ERBB4: variants seen among roughly 807,000 people sequenced by gnomAD.
The protein encoded by ERBB4 is receptor tyrosine-protein kinase erbB-4.
Under a neutral mutation model 158.0 loss-of-function variants are expected in ERBB4, and 42 were observed. The ratio of observed to expected loss-of-function variants is 0.27; its 90% CI spans 0.21 to 0.34. ERBB4 has a LOEUF of 0.34. Among genes scored for constraint, ERBB4 ranks in the 10% least tolerant of loss-of-function variants. The pLI, the probability that ERBB4 is intolerant of heterozygous loss-of-function variation, is 1.00. For synonymous variants in ERBB4, 583 were observed against 558.7 expected, an observed-to-expected ratio of 1.04 and a Z score of -0.61; for missense variants, 1,333 against 1,624.1, an observed-to-expected ratio of 0.82 and a Z score of 3.08.
At chr2:211,554,541 T>C (rs1439883477) in intron 20 of ERBB4, among the ~76,000 whole-genome samples, 1 of 152,202 alleles carries the variant, frequency 6.6e-6, no homozygotes, top group Non-Finnish European at 1.5e-5. Context: ...GTAGAGCTGC[T>C]AGAAGCTGGG....
intron 1 of ERBB4, among the ~76,000 whole-genome samples, chr2:212,328,282 T>G (rs1056117978): frequency 2.0e-5 from 3 of 151,992 alleles, no homozygotes; most frequent in African/African-American, 7.2e-5. Flanking sequence ...CTCATAGTAG[T>G]CAAACTACTA....
Position 211,917,933 on chromosome 2 carries a change from A to G in ERBB4, c.421+29497T>C, listed in dbSNP as rs1165776269. On this transcript the variant is annotated intron_variant, in intron 3 of 27. Coordinates refer to ENST00000342788, the MANE Select transcript of ERBB4 (RefSeq NM_005235.3). ...CAAGAAATTACAGCTTCTCCACTTA[A>G]GAGTCCACTGGGGGAACCATGTAAA... 4.6e-5 allele frequency among the ~76,000 whole-genome samples: 7 copies of G among 152,318 alleles called. No individual in the cohort carries two copies. The East Asian group carries it at 1.4e-3, about 29-fold the overall frequency.
chr2:212,309,404 T>C (rs955928402), intron 1 of ERBB4, among the ~76,000 whole-genome samples: 1 of 150,826 alleles, frequency 6.6e-6, no homozygotes, highest in Admixed American at 6.6e-5. Flanking sequence ...TTAGGCACTT[T>C]AGCAAAGATG....
chr2:211,500,676 T>C (rs559487882), intron 20 of ERBB4, among the ~76,000 whole-genome samples: 1 of 152,082 alleles, frequency 6.6e-6, no homozygotes, highest in Non-Finnish European at 1.5e-5. Flanking sequence ...AAAGATCTTT[T>C]TTCTTTTAAT....
At chr2:212,228,954 C>T (rs1277558425) in intron 1 of ERBB4, among the ~76,000 whole-genome samples, 14 of 152,176 alleles carry the variant, frequency 9.2e-5, no homozygotes, top group South Asian at 8.3e-4. Flanking sequence ...CAATGCCTGT[C>T]GTAAAAGAAC....
At chr2:211,576,860 T>C (rs899282133) in intron 19 of ERBB4, among the ~76,000 whole-genome samples, 1 of 152,086 alleles carries the variant, frequency 6.6e-6, no homozygotes, top group Admixed American at 6.6e-5. Flanking sequence ...AAAATATGAA[T>C]ATGGTATTTA....
chr2:212,041,110 T>G (rs1362399552), intron 2 of ERBB4, among the ~76,000 whole-genome samples: 1 of 152,058 alleles, frequency 6.6e-6, no homozygotes, highest in East Asian at 1.9e-4. Flanking sequence ...TACTTCCATC[T>G]GTAAAACTGA....
intron 16 of ERBB4, among the ~76,000 whole-genome samples, chr2:211,633,482 ATTTTTT>A (rs3068983): frequency 6.3e-5 from 8 of 127,226 alleles, no homozygotes; most frequent in African/African-American, 8.7e-5. Context: ...GTATTTTCTA[ATTTTTT>A]TTTTTTTTTT....
intron 1 of ERBB4, among the ~76,000 whole-genome samples, chr2:212,509,168 G>T (rs1207609109): frequency 1.3e-5 from 2 of 152,008 alleles, no homozygotes; most frequent in African/African-American, 4.8e-5. Flanking sequence ...TTGTTGATGT[G>T]TAAGTAATTA....
chr2:211,611,407 A>AGGTTTACTTTTGCTTTC (rs2069189973), intron 19 of ERBB4, among the ~76,000 whole-genome samples: 1 of 145,618 alleles, frequency 6.9e-6, no homozygotes, highest in African/African-American at 2.6e-5. Context: ...AAGGTGTGGA[A>AGGTTTACTTTTGCTTTC]GCTTTACTTT....
chr2:211,689,465 T>G (rs930893639), intron 12 of ERBB4, among the ~76,000 whole-genome samples: 1 of 152,164 alleles, frequency 6.6e-6, no homozygotes, highest in Non-Finnish European at 1.5e-5. Flanking sequence ...CCCAAAGTGC[T>G]GGGATTACAG....
intron 2 of ERBB4, among the ~76,000 whole-genome samples, chr2:212,106,553 A>C (rs1368675353): frequency 6.6e-6 from 1 of 152,240 alleles, no homozygotes; most frequent in Non-Finnish European, 1.5e-5. Context: ...GATAGAAAAG[A>C]AAATCCTATA....
intron 19 of ERBB4, among the ~76,000 whole-genome samples, chr2:211,595,885 C>T (rs1029165412): frequency 1.1e-4 from 17 of 152,032 alleles, no homozygotes; most frequent in South Asian, 2.1e-4. Flanking sequence ...CTGCAGAGGT[C>T]CTGGAACCAA....
intron 1 of ERBB4, among the ~76,000 whole-genome samples, chr2:212,125,626 T>C (rs1245971290): frequency 6.6e-6 from 1 of 152,218 alleles, no homozygotes; most frequent in Non-Finnish European, 1.5e-5. Context: ...TGTGTCCATG[T>C]GTTCTCATCA....
chr2:211,640,836 G>A (rs1042136719), intron 16 of ERBB4, among the ~76,000 whole-genome samples: 1 of 151,996 alleles, frequency 6.6e-6, no homozygotes, highest in East Asian at 1.9e-4. Context: ...CAGCAAAACT[G>A]ATAAAAAGTA....
At chr2:211,741,200 C>G (rs2074784557) in intron 5 of ERBB4, among the ~76,000 whole-genome samples, 1 of 152,108 alleles carries the variant, frequency 6.6e-6, no homozygotes, top group Non-Finnish European at 1.5e-5. Context: ...TGACAGTCAG[C>G]TCTTCTGCTG....
intron 1 of ERBB4, among the ~76,000 whole-genome samples, chr2:212,482,640 C>A (rs534289289): frequency 6.6e-6 from 1 of 152,116 alleles, no homozygotes; most frequent in East Asian, 1.9e-4. Flanking sequence ...TTTTCTGAGA[C>A]GAAGACTTGC....
chr2:212,449,352 G>A (rs1368046584), intron 1 of ERBB4, among the ~76,000 whole-genome samples: 1 of 152,056 alleles, frequency 6.6e-6, no homozygotes, highest in Non-Finnish European at 1.5e-5. Context: ...GTAGGAAGAG[G>A]TACAAAATTT....
At chr2:211,464,745 C>T (rs1206835320) in intron 20 of ERBB4, among the ~76,000 whole-genome samples, 1 of 152,016 alleles carries the variant, frequency 6.6e-6, no homozygotes, top group South Asian at 2.1e-4. Flanking sequence ...CAAGTTTATA[C>T]TCATCATCCT....
Sources: allele counts gnomAD v4.1 joint callset (sites outside exome capture counted in the v4.1 genomes callset), GRCh38; gene constraint gnomAD v4.1.1; transcripts MANE v1.5; gene names NCBI Gene and HGNC (gene_info 2026-07-23, HGNC 2026-07-21).